ST3GAL1: variants seen among roughly 807,000 people sequenced by gnomAD.
The protein encoded by ST3GAL1 is ST3 beta-galactoside alpha-2,3-sialyltransferase 1, also known as CMP-N-acetylneuraminate-beta-galactosamide-alpha-2,3-sialyltransferase 1.
A neutral mutation model predicts 34.1 loss-of-function variants in ST3GAL1; 16 were observed. The ratio of observed to expected loss-of-function variants is 0.47; its 90% CI spans 0.32 to 0.71. ST3GAL1 has a LOEUF of 0.71. Ranked by LOEUF, ST3GAL1 falls within the 30% of genes least tolerant of loss-of-function variation. ST3GAL1 has a pLI of 0.04. For missense variants in ST3GAL1, 353 were observed against 447.4 expected, an observed-to-expected ratio of 0.79 and a Z score of 1.90; for synonymous variants, 191 against 184.7, an observed-to-expected ratio of 1.03 and a Z score of -0.28.
At position 133,571,152 on chromosome 8, in the gene ST3GAL1, T is replaced by C. The variant is rs557414602; in HGVS notation, c.-582+541A>G. On this transcript the variant is annotated intron_variant, in intron 1 of 9. Transcript: ENST00000522652. The surrounding 1 kb of genome is among the most constrained non-coding windows in gnomAD (Gnocchi z 6.7). ...AGCGGATTGGGGGACTCGATCCGGA[T>C]ACTGTCCCACGGCCGCTCGTCCAGA... is the stretch of plus-strand genomic sequence containing the variant. Among the ~76,000 whole-genome samples the C allele has an allele frequency of 1.5e-4, 23 of 152,308 alleles. No homozygotes were observed. Among genetic ancestry groups the C allele is most frequent in the African/African-American group, 5.5e-4 (23 of 41,584 alleles).
intron 1 of ST3GAL1, among the ~76,000 whole-genome samples, chr8:133,548,477 C>T (rs1179397125): frequency 6.6e-6 from 1 of 152,238 alleles, no homozygotes; most frequent in Non-Finnish European, 1.5e-5. Context: ...CACGTTAACT[C>T]CATAAGGGCA....
chr8:133,523,914 G>A (rs1817885254), intron 2 of ST3GAL1, among the ~76,000 whole-genome samples: 1 of 152,160 alleles, frequency 6.6e-6, no homozygotes, highest in Admixed American at 6.5e-5. Context: ...TAAGAGCTTT[G>A]TGTCCTTCGG....
intron 1 of ST3GAL1, among the ~76,000 whole-genome samples, chr8:133,557,015 C>G (rs145225099): frequency 6.6e-6 from 1 of 152,310 alleles, no homozygotes; most frequent in African/African-American, 2.4e-5. Context: ...ACCCCCCAAC[C>G]TGACCCTCCC....
chr8:133,541,112 TATATATATAG>T (rs1818509369), intron 2 of ST3GAL1, among the ~76,000 whole-genome samples: 2 of 40,728 alleles, frequency 4.9e-5, no homozygotes, highest in African/African-American at 2.6e-4. Flanking sequence ...TATATATATA[TATATATATAG>T]AGAGAGAGAG....
intron 3 of ST3GAL1, among the ~76,000 whole-genome samples, chr8:133,480,194 C>T (rs2130953584): frequency 6.6e-6 from 1 of 152,360 alleles, no homozygotes; most frequent in East Asian, 1.9e-4. Context: ...GCATGAAGCA[C>T]CTGCACACAA....
chr8:133,460,384 T>C (rs564607908), intron 9 of ST3GAL1, among the ~76,000 whole-genome samples: 2 of 152,172 alleles, frequency 1.3e-5, no homozygotes, highest in African/African-American at 4.8e-5. Flanking sequence ...TGAAGTCACT[T>C]CTTTGAGCCT....
intron 3 of ST3GAL1, among the ~76,000 whole-genome samples, chr8:133,494,695 A>T (rs1816888693): frequency 2.0e-5 from 3 of 151,940 alleles, no homozygotes; most frequent in East Asian, 3.9e-4. Context: ...ATTTTCCACG[A>T]CTTTTCCTTG....
intron 2 of ST3GAL1, among the ~76,000 whole-genome samples, chr8:133,506,523 G>A (rs538545142): frequency 2.0e-5 from 3 of 152,360 alleles, no homozygotes; most frequent in South Asian, 4.1e-4. Context: ...GGTGGCTCAC[G>A]CCTGTAATCC....
intron 2 of ST3GAL1, among the ~76,000 whole-genome samples, chr8:133,540,828 T>TATATAGAGAGAC (rs1563734023): frequency 1.2e-5 from 1 of 84,314 alleles, no homozygotes. Flanking sequence ...TATATAGACA[T>TATATAGAGAGAC]ATATATAGAG....
intron 1 of ST3GAL1, among the ~76,000 whole-genome samples, chr8:133,559,733 C>T (rs545219087): frequency 6.6e-6 from 1 of 152,364 alleles, no homozygotes; most frequent in East Asian, 1.9e-4. Context: ...AACAGCGACG[C>T]TGACGATTCC....
rs766124734 is a variant in ST3GAL1, at chr8:133,475,949, G to C, written c.76C>G (p.Leu26Val). 10 of 1,613,842 alleles carry C rather than the reference G, an allele frequency of 6.2e-6. No homozygotes were observed. Among genetic ancestry groups the C allele is most frequent in the African/African-American group, 1.3e-5 (1 of 74,886 alleles). The change falls in exon 5 of 10, where the codon CTG becomes GTG. Residue 26 changes from leucine to valine, a missense_variant. By Grantham distance (32) the Leu-to-Val change is conservative. Coordinates refer to ENST00000522652, the MANE Select transcript of ST3GAL1 (RefSeq NM_173344.3). ...VLFIFLTSFFLNYSHTMVATT... is the reference protein window; with the variant it reads ...VLFIFLTSFFVNYSHTMVATT... The stretch of plus-strand genomic sequence containing the variant: ...GCCACCATGGTGTGGGAGTAGTTCA[G>C]GAAGAAGGAGGTGAGGAAGATGAAG...
intron 3 of ST3GAL1, among the ~76,000 whole-genome samples, chr8:133,481,106 T>G (rs901236578): frequency 1.3e-4 from 20 of 152,238 alleles, no homozygotes; most frequent in African/African-American, 4.6e-4. Context: ...CGGTTGCTCT[T>G]TCTTTCTTTG....
intron 2 of ST3GAL1, among the ~76,000 whole-genome samples, chr8:133,530,535 G>A (rs557941037): frequency 6.6e-6 from 1 of 152,108 alleles, no homozygotes; most frequent in Non-Finnish European, 1.5e-5. Context: ...CACTCGCCTC[G>A]GCCTCCCAAA....
chr8:133,473,877 G>T (rs1465233111), intron 5 of ST3GAL1, among the ~76,000 whole-genome samples: 1 of 152,196 alleles, frequency 6.6e-6, no homozygotes, highest in Non-Finnish European at 1.5e-5. Context: ...TAGTGCTGAG[G>T]CTGAGAGCAG....
chr8:133,569,828 G>C (rs1470401089), intron 1 of ST3GAL1, among the ~76,000 whole-genome samples: 1 of 152,216 alleles, frequency 6.6e-6, no homozygotes, highest in Non-Finnish European at 1.5e-5. Context: ...TGGGCGCTTG[G>C]GCAGCGCGGG....
At chr8:133,494,826 A>G (rs1816893059) in intron 3 of ST3GAL1, among the ~76,000 whole-genome samples, 1 of 151,794 alleles carries the variant, frequency 6.6e-6, no homozygotes, top group African/African-American at 2.4e-5. Context: ...CCTTTACTCA[A>G]TTCAGGGTGC....
intron 5 of ST3GAL1, among the ~76,000 whole-genome samples, chr8:133,470,368 G>A (rs929778675): frequency 5.3e-5 from 8 of 151,276 alleles, no homozygotes; most frequent in African/African-American, 9.7e-5. Context: ...GTGGTGAGCC[G>A]AGATCACGCC....
chr8:133,517,124 C>A (rs1270217698), intron 2 of ST3GAL1, among the ~76,000 whole-genome samples: 1 of 152,180 alleles, frequency 6.6e-6, no homozygotes, highest in Non-Finnish European at 1.5e-5. Context: ...TTATTGAAAC[C>A]ATTATGGGGA....
intron 2 of ST3GAL1, among the ~76,000 whole-genome samples, chr8:133,519,315 A>C (rs1277181574): frequency 6.6e-6 from 1 of 152,164 alleles, no homozygotes; most frequent in Non-Finnish European, 1.5e-5. Flanking sequence ...GTGTGGACTC[A>C]TTAGCCACAC....
Sources: gnomAD v4.1 joint callset for allele counts (sites outside exome capture counted in the v4.1 genomes callset) on GRCh38, gnomAD v4.1.1 for gene constraint, Gnocchi (gnomAD v3.1) non-coding constraint, MANE v1.5 for transcripts, NCBI Gene and HGNC (gene_info 2026-07-23, HGNC 2026-07-21) for gene names.